The following EGFR variants were observed in gnomAD, a reference collection of about 807,000 sequenced individuals.
EGFR encodes avian erythroblastic leukemia viral (v-erb-b) oncogene homolog.
Under a neutral mutation model 143.0 loss-of-function variants are expected in EGFR, and 58 were observed. The observed-to-expected ratio is 0.41, with a 90% CI of 0.33 to 0.50. The LOEUF is 0.50. Among genes scored for constraint, EGFR ranks in the 20% least tolerant of loss-of-function variants. The probability of loss-of-function intolerance (pLI) is 0.39; values close to 1 mark genes in which losing one functional copy is unlikely to be tolerated. For missense variants in EGFR, 1,307 were observed against 1,579.0 expected, an observed-to-expected ratio of 0.83 and a Z score of 2.92; for synonymous variants, 613 against 594.4, an observed-to-expected ratio of 1.03 and a Z score of -0.45.
intron 1 of EGFR, among the ~76,000 whole-genome samples, chr7:55,064,442 A>C (rs1298205655): frequency 1.3e-5 from 2 of 152,222 alleles, no homozygotes; most frequent in African/African-American, 4.8e-5. Context: ...AGACATCCAG[A>C]AAGGATCCTT....
rs1009979930 is a variant in EGFR, at chr7:55,207,093, G to A, written c.*1476G>A. The A allele has an allele frequency of 4.3e-6, 1 of 232,736 alleles. No individual in the cohort carries two copies. The highest frequency in any genetic ancestry group is 8.5e-6 in the Non-Finnish European group (1 of 117,814). 14.4% of individuals were successfully genotyped at this position (232,736 alleles called of 1,614,324 possible). A position where few individuals can be genotyped will look rare whatever the true frequency, so the allele number is the denominator to read the frequency against. ...CCTGTAACCTGACTGGTTAACAGCA[G>A]TCCTTTGTAAACAGTGTTTTAAACT... On this transcript the variant is annotated 3_prime_UTR_variant, in exon 28 of 28. Coordinates refer to ENST00000275493, the MANE Select transcript of EGFR (RefSeq NM_005228.5).
At chr7:55,056,543 A>G (rs564692609) in intron 1 of EGFR, among the ~76,000 whole-genome samples, 3 of 152,318 alleles carry the variant, frequency 2.0e-5, no homozygotes, top group South Asian at 2.1e-4. Context: ...CCCTTTAACC[A>G]CTAACTGATA....
intron 1 of EGFR, among the ~76,000 whole-genome samples, chr7:55,027,959 TATTC>T (rs1786991185): frequency 7.4e-6 from 1 of 134,438 alleles, no homozygotes. Context: ...TTACCTTGTA[TATTC>T]ATGCCTTTAT....
chr7:55,091,365 G>T (rs1256941302), intron 1 of EGFR, among the ~76,000 whole-genome samples: 1 of 152,206 alleles, frequency 6.6e-6, no homozygotes, highest in East Asian at 1.9e-4. Flanking sequence ...TGGTGATAGT[G>T]GTTCCTAATG....
At chr7:55,125,526 C>T (rs903108743) in intron 1 of EGFR, among the ~76,000 whole-genome samples, 5 of 152,212 alleles carry the variant, frequency 3.3e-5, no homozygotes, top group African/African-American at 1.2e-4. Context: ...CAAACACATA[C>T]CTAGGGATGA....
chr7:55,042,320 T>C (rs1787941909), intron 1 of EGFR, among the ~76,000 whole-genome samples: 2 of 152,206 alleles, frequency 1.3e-5, no homozygotes, highest in Admixed American at 6.5e-5. Flanking sequence ...TATCCAGTAA[T>C]GACAAGAGGT....
chr7:55,147,338 C>T (rs1584154471), intron 4 of EGFR, among the ~76,000 whole-genome samples: 1 of 152,258 alleles, frequency 6.6e-6, no homozygotes, highest in Admixed American at 6.5e-5. Flanking sequence ...CAGGCCAGCA[C>T]TGATGGGGGA....
intron 1 of EGFR, among the ~76,000 whole-genome samples, chr7:55,089,974 ATTTATT>A (rs1791010116): frequency 8.6e-6 from 1 of 116,014 alleles, no homozygotes; most frequent in South Asian, 3.5e-4. Flanking sequence ...TTATTTATTT[ATTTATT>A]TATTTTGAGA....
At chr7:55,117,404 C>G (rs1792926079) in intron 1 of EGFR, among the ~76,000 whole-genome samples, 1 of 152,156 alleles carries the variant, frequency 6.6e-6, no homozygotes, top group Non-Finnish European at 1.5e-5. Context: ...GACCCACACT[C>G]TGTAACTCCC....
chr7:55,164,188 A>C (rs1415033595), intron 14 of EGFR, among the ~76,000 whole-genome samples: 1 of 152,232 alleles, frequency 6.6e-6, no homozygotes, highest in Non-Finnish European at 1.5e-5. Context: ...TAATTAATTG[A>C]AGAATTTTTA....
intron 1 of EGFR, among the ~76,000 whole-genome samples, chr7:55,099,209 AG>A (rs1791657996): frequency 2.6e-5 from 4 of 152,198 alleles, no homozygotes; most frequent in African/African-American, 7.2e-5. Flanking sequence ...TTCCATGCCC[AG>A]AATGCTACAA....
At chr7:55,095,269 A>G (rs955526157) in intron 1 of EGFR, among the ~76,000 whole-genome samples, 1 of 152,176 alleles carries the variant, frequency 6.6e-6, no homozygotes, top group Non-Finnish European at 1.5e-5. Flanking sequence ...AGCTCAAGTT[A>G]CTTAACCTCT....
At chr7:55,035,191 G>A (rs928193800) in intron 1 of EGFR, among the ~76,000 whole-genome samples, 10 of 152,166 alleles carry the variant, frequency 6.6e-5, no homozygotes, top group Admixed American at 3.9e-4. Context: ...TGTGTGGTTA[G>A]GAAGGAAGAA....
intron 23 of EGFR, among the ~76,000 whole-genome samples, chr7:55,200,053 G>C (rs1364863993): frequency 6.6e-6 from 1 of 152,222 alleles, no homozygotes; most frequent in Non-Finnish European, 1.5e-5. Flanking sequence ...GCGTAACACA[G>C]GATGCTGACC....
At chr7:55,074,707 A>G (rs1433654099) in intron 1 of EGFR, among the ~76,000 whole-genome samples, 1 of 152,232 alleles carries the variant, frequency 6.6e-6, no homozygotes, top group Admixed American at 6.5e-5. Flanking sequence ...AAATAGACAG[A>G]CTCATTAAAG....
intron 20 of EGFR, among the ~76,000 whole-genome samples, chr7:55,186,818 G>C (rs1476466276): frequency 6.6e-6 from 1 of 152,228 alleles, no homozygotes; most frequent in Non-Finnish European, 1.5e-5. Context: ...AAGCAGGTCA[G>C]AGCAGGAGGC....
At chr7:55,152,420 TG>T in intron 5 of EGFR, 125 bp from the exon 6 acceptor site, 1 of 868,924 alleles carries the variant, frequency 1.2e-6, no homozygotes, top group Non-Finnish European at 2.0e-6. Context: ...AGTTTGAATG[TG>T]GTTTCGTTGG....
chr7:55,059,714 C>T (rs182578763), intron 1 of EGFR, among the ~76,000 whole-genome samples: 1 of 152,146 alleles, frequency 6.6e-6, no homozygotes, highest in East Asian at 1.9e-4. Context: ...GTATGTACAC[C>T]ATATTTTAAT....
chr7:55,157,173 C>T (rs1031565432), intron 10 of EGFR, among the ~76,000 whole-genome samples: 15 of 152,232 alleles, frequency 9.9e-5, no homozygotes, highest in Admixed American at 4.6e-4. Context: ...AACTGGACGC[C>T]AGAGCCTTGT....
Sources: gnomAD v4.1 joint callset for allele counts (sites outside exome capture counted in the v4.1 genomes callset) on GRCh38, gnomAD v4.1.1 for gene constraint, MANE v1.5 for transcripts, NCBI Gene and HGNC (gene_info 2026-07-23, HGNC 2026-07-21) for gene names.